Variants in LUZP2 observed in about 807,000 individuals in gnomAD.
LUZP2 encodes the protein leucine zipper protein 2.
In LUZP2, 52 loss-of-function variants were observed where a neutral mutation model predicts 51.6. The observed-to-expected ratio is 1.01, with a 90% CI of 0.81 to 1.27. The LOEUF (loss-of-function observed/expected upper bound fraction) is 1.27, where lower values mean the gene tolerates loss of function less well. Among genes scored for constraint, LUZP2 ranks in the 50% most tolerant of loss-of-function variants. The pLI is 0.00. For missense variants in LUZP2, 436 were observed against 395.4 expected, an observed-to-expected ratio of 1.10 and a Z score of -0.87; for synonymous variants, 154 against 137.3, an observed-to-expected ratio of 1.12 and a Z score of -0.85.
rs574136100 is a variant in LUZP2, at chr11:25,041,975, T to C, written c.766-8063T>C. 1.3e-4 allele frequency among the ~76,000 whole-genome samples: 20 copies of C among 152,328 alleles called. 1 individual carries two copies. The highest frequency in any genetic ancestry group is 4.1e-4 in the African/African-American group (17 of 41,582). ...TATGAAAATCTAATGTCTGATGATATGAGGTGGAACAGTTTCATCCTGAAA... is the reference window on the plus strand; with the variant it reads ...TATGAAAATCTAATGTCTGATGATACGAGGTGGAACAGTTTCATCCTGAAA... On this transcript the variant is annotated intron_variant, in intron 9 of 11. Coordinates refer to ENST00000336930, the MANE Select transcript of LUZP2 (RefSeq NM_001009909.4).
At chr11:24,968,787 G>A (rs902246745) in intron 7 of LUZP2, among the ~76,000 whole-genome samples, 2 of 152,198 alleles carry the variant, frequency 1.3e-5, no homozygotes, top group African/African-American at 4.8e-5. Context: ...TGCAACTACA[G>A]TGATCATCTT....
At chr11:25,040,009 T>G (rs1857992470) in intron 9 of LUZP2, among the ~76,000 whole-genome samples, 1 of 152,148 alleles carries the variant, frequency 6.6e-6, no homozygotes, top group Non-Finnish European at 1.5e-5. Context: ...GGATCATGGG[T>G]GGACCACCCT....
At chr11:24,554,345 T>C (rs1229594021) in intron 1 of LUZP2, among the ~76,000 whole-genome samples, 3 of 152,174 alleles carry the variant, frequency 2.0e-5, no homozygotes, top group Non-Finnish European at 4.4e-5. Flanking sequence ...TTTTATTAAA[T>C]GTATTTGGCA....
At chr11:24,816,540 T>C (rs1425455986) in intron 5 of LUZP2, among the ~76,000 whole-genome samples, 2 of 152,056 alleles carry the variant, frequency 1.3e-5, no homozygotes, top group Non-Finnish European at 1.5e-5. Flanking sequence ...TATACTAATA[T>C]ATTAATATAT....
intron 7 of LUZP2, among the ~76,000 whole-genome samples, chr11:24,955,407 G>C (rs1855185815): frequency 6.6e-6 from 1 of 151,932 alleles, no homozygotes; most frequent in Non-Finnish European, 1.5e-5. Context: ...TTTTATTTTA[G>C]AGGAGTATAA....
chr11:24,769,693 A>ATGTTTTTT (rs1554988274), intron 5 of LUZP2, among the ~76,000 whole-genome samples: 70 of 105,746 alleles, frequency 6.6e-4, no homozygotes, highest in African/African-American at 1.1e-3. Context: ...ATGGTGGTCT[A>ATGTTTTTT]TTTTTTTTTT....
At chr11:24,576,659 C>A (rs973313374) in intron 1 of LUZP2, among the ~76,000 whole-genome samples, 1 of 151,594 alleles carries the variant, frequency 6.6e-6, no homozygotes, top group African/African-American at 2.4e-5. Context: ...AGGTAATTGA[C>A]AAAGTGAAAA....
intron 5 of LUZP2, among the ~76,000 whole-genome samples, chr11:24,816,140 T>C (rs967803726): frequency 6.6e-6 from 1 of 152,070 alleles, no homozygotes; most frequent in Non-Finnish European, 1.5e-5. Flanking sequence ...AAAAAATAAT[T>C]TTGTGAATCT....
At chr11:24,989,627 T>G (rs1025765387) in intron 9 of LUZP2, among the ~76,000 whole-genome samples, 1 of 152,072 alleles carries the variant, frequency 6.6e-6, no homozygotes, top group Non-Finnish European at 1.5e-5. Flanking sequence ...ATGCTGACAT[T>G]TCTTTCCTAT....
intron 1 of LUZP2, among the ~76,000 whole-genome samples, chr11:24,673,142 A>G (rs1475514865): frequency 6.6e-6 from 1 of 152,096 alleles, no homozygotes; most frequent in Non-Finnish European, 1.5e-5. Flanking sequence ...CATGAAACCA[A>G]TCCCTGGTGC....
intron 10 of LUZP2, among the ~76,000 whole-genome samples, chr11:25,056,745 G>A (rs1858694164): frequency 6.6e-6 from 1 of 152,144 alleles, no homozygotes; most frequent in Non-Finnish European, 1.5e-5. Flanking sequence ...AAAGAGCCCA[G>A]GAATGTGTAT....
chr11:24,824,390 A>AAATAAAAT (rs1850462269), intron 5 of LUZP2, among the ~76,000 whole-genome samples: 2 of 147,580 alleles, frequency 1.4e-5, no homozygotes, highest in African/African-American at 5.1e-5. Flanking sequence ...AAAAAAAAAA[A>AAATAAAAT]AAATGAGTGG....
intron 1 of LUZP2, among the ~76,000 whole-genome samples, chr11:24,596,320 G>A (rs1243191750): frequency 1.3e-5 from 2 of 152,154 alleles, no homozygotes; most frequent in East Asian, 3.8e-4. Context: ...TGTAAAATCA[G>A]CTTTCAAGTT....
At chr11:24,868,756 C>A (rs1851968279) in intron 5 of LUZP2, among the ~76,000 whole-genome samples, 1 of 152,002 alleles carries the variant, frequency 6.6e-6, no homozygotes, top group African/African-American at 2.4e-5. Flanking sequence ...GTATTACTTG[C>A]TACAGGGAGT....
At chr11:24,999,337 G>T (rs1055922110) in intron 9 of LUZP2, among the ~76,000 whole-genome samples, 2 of 151,874 alleles carry the variant, frequency 1.3e-5, no homozygotes, top group Non-Finnish European at 2.9e-5. Context: ...AGGGGAAGAA[G>T]AAGAGGAAAA....
chr11:24,643,698 G>A (rs1327141029), intron 1 of LUZP2, among the ~76,000 whole-genome samples: 2 of 152,146 alleles, frequency 1.3e-5, no homozygotes, highest in African/African-American at 2.4e-5. Flanking sequence ...GTAGGAGATG[G>A]TGGGTTAGTT....
intron 5 of LUZP2, among the ~76,000 whole-genome samples, chr11:24,829,524 G>A (rs1414636281): frequency 6.6e-6 from 1 of 152,128 alleles, no homozygotes; most frequent in Non-Finnish European, 1.5e-5. Context: ...GATTATATAT[G>A]TATATACCCA....
chr11:24,582,217 C>A (rs1335368692), intron 1 of LUZP2, among the ~76,000 whole-genome samples: 5 of 150,348 alleles, frequency 3.3e-5, no homozygotes, highest in African/African-American at 1.2e-4. Context: ...ATTCTTTTTG[C>A]AAGAATCTTT....
chr11:24,917,258 A>C (rs1020165035), intron 7 of LUZP2, among the ~76,000 whole-genome samples: 7 of 152,118 alleles, frequency 4.6e-5, no homozygotes, highest in African/African-American at 1.2e-4. Flanking sequence ...AGTAGATTGC[A>C]AAAATTTTCT....
Sources: gnomAD v4.1 joint callset for allele counts (sites outside exome capture counted in the v4.1 genomes callset) on GRCh38, gnomAD v4.1.1 for gene constraint, MANE v1.5 for transcripts, NCBI Gene and HGNC (gene_info 2026-07-23, HGNC 2026-07-21) for gene names.